ST6GAL1: variants seen among roughly 807,000 people sequenced by gnomAD.
The protein encoded by ST6GAL1 is ST6 beta-galactoside alpha-2,6-sialyltransferase 1, also known as beta-galactoside alpha-2,6-sialyltransferase 1.
Under a neutral mutation model 38.0 loss-of-function variants are expected in ST6GAL1, and 20 were observed. The observed-to-expected ratio is 0.53, with a 90% CI of 0.37 to 0.77. The LOEUF is 0.77. ST6GAL1 is among the 30% of genes least tolerant of loss of function. The probability of loss-of-function intolerance (pLI) is 0.00; values close to 1 mark genes in which losing one functional copy is unlikely to be tolerated. For missense variants in ST6GAL1, 432 were observed against 496.4 expected, an observed-to-expected ratio of 0.87 and a Z score of 1.23; for synonymous variants, 196 against 188.2, an observed-to-expected ratio of 1.04 and a Z score of -0.34.
At chr3:187,019,610 G>A (rs1004787993) in intron 2 of ST6GAL1, among the ~76,000 whole-genome samples, 1 of 152,228 alleles carries the variant, frequency 6.6e-6, no homozygotes, top group African/African-American at 2.4e-5. Context: ...GAAAGAGAAA[G>A]AAGGGTCAGC....
chr3:187,022,739 T>G (rs1227112606), intron 2 of ST6GAL1, among the ~76,000 whole-genome samples: 1 of 152,180 alleles, frequency 6.6e-6, no homozygotes, highest in African/African-American at 2.4e-5. Flanking sequence ...TTTCCAAATA[T>G]GTCAAAGAAA....
intron 2 of ST6GAL1, among the ~76,000 whole-genome samples, chr3:187,001,480 T>C (rs1184075595): frequency 2.0e-5 from 3 of 152,234 alleles, no homozygotes; most frequent in African/African-American, 7.2e-5. Flanking sequence ...AACCTGGGTT[T>C]GGATCTCACT....
intron 4 of ST6GAL1, among the ~76,000 whole-genome samples, chr3:187,048,109 AT>A (rs528383690): frequency 1.7e-4 from 26 of 151,768 alleles, no homozygotes; most frequent in Admixed American, 3.3e-4. Flanking sequence ...TACTCGGCTA[AT>A]TTTTTTGTAT....
At chr3:187,020,189 C>T (rs964806810) in intron 2 of ST6GAL1, among the ~76,000 whole-genome samples, 2 of 152,040 alleles carry the variant, frequency 1.3e-5, no homozygotes, top group Non-Finnish European at 1.5e-5. Context: ...CCCAGCTACT[C>T]GGGAGGCTGA....
chr3:187,017,621 G>A (rs965467623), intron 2 of ST6GAL1, among the ~76,000 whole-genome samples: 6 of 152,148 alleles, frequency 3.9e-5, no homozygotes, highest in Admixed American at 2.0e-4. Flanking sequence ...TAGCAATGAC[G>A]TCAGTTTGTT....
At chr3:186,958,284 A>T (rs1057364774) in intron 1 of ST6GAL1, among the ~76,000 whole-genome samples, 3 of 152,216 alleles carry the variant, frequency 2.0e-5, no homozygotes, top group Non-Finnish European at 2.9e-5. Flanking sequence ...TCTGGTTATA[A>T]TAATGTAACT....
In ST6GAL1 at chr3:186,955,669, A is replaced by C. The variant is rs568845325; in HGVS notation, c.-324-8116A>C. Among the ~76,000 whole-genome samples, 5 of 151,856 alleles carry C rather than the reference A, an allele frequency of 3.3e-5. No individual in the cohort carries two copies. In the South Asian group the frequency reaches 1.0e-3, roughly 32 times the overall value. ...AGGTGCGTGCCACCATGCCCAGCTA[A>C]TTTTTGTATTTTTAGTAGAGATGGG... On this transcript the variant is annotated intron_variant, in intron 1 of 7. Transcript: ENST00000169298.
intron 2 of ST6GAL1, among the ~76,000 whole-genome samples, chr3:187,018,927 C>T (rs529702062): frequency 4.2e-4 from 64 of 152,286 alleles, no homozygotes; most frequent in African/African-American, 1.5e-3. Context: ...CTCGAAAAGC[C>T]AGATGGGAGA....
At chr3:186,996,970 G>A (rs143351288) in intron 2 of ST6GAL1, among the ~76,000 whole-genome samples, 2 of 151,938 alleles carry the variant, frequency 1.3e-5, no homozygotes, top group African/African-American at 2.4e-5. Context: ...ACCTCACACA[G>A]CACACTTGGT....
chr3:186,977,469 C>T (rs887563057), intron 2 of ST6GAL1, among the ~76,000 whole-genome samples: 11 of 152,188 alleles, frequency 7.2e-5, no homozygotes, highest in African/African-American at 2.4e-4. Context: ...ATGCCCTTGC[C>T]GGGAACAGCT....
At chr3:187,066,250 A>G (rs538641153) in intron 5 of ST6GAL1, among the ~76,000 whole-genome samples, 5 of 152,298 alleles carry the variant, frequency 3.3e-5, no homozygotes, top group South Asian at 2.1e-4. Context: ...TTGGGCCAGC[A>G]GACACAGTCT....
At chr3:186,951,266 A>G (rs776281045) in intron 1 of ST6GAL1, among the ~76,000 whole-genome samples, 38 of 152,164 alleles carry the variant, frequency 2.5e-4, no homozygotes, top group Non-Finnish European at 5.4e-4. Context: ...CATGTTGGTC[A>G]GGCTGGTCTC....
intron 2 of ST6GAL1, among the ~76,000 whole-genome samples, chr3:187,022,437 C>A (rs956551297): frequency 6.6e-6 from 1 of 152,210 alleles, no homozygotes; most frequent in Non-Finnish European, 1.5e-5. Flanking sequence ...CTAACAGTAG[C>A]TGAGAGAGTC....
chr3:186,942,213 C>G (rs1714203681), intron 1 of ST6GAL1: 1 of 152,178 alleles, frequency 6.6e-6, no homozygotes, highest in East Asian at 1.9e-4. Flanking sequence ...TTCACCTGCT[C>G]TGAAAAGGTG....
At chr3:186,958,121 G>C (rs1408361055) in intron 1 of ST6GAL1, among the ~76,000 whole-genome samples, 1 of 151,852 alleles carries the variant, frequency 6.6e-6, no homozygotes, top group Admixed American at 6.6e-5. Flanking sequence ...AGTTTTGTTG[G>C]AATGTTGAGG....
chr3:186,954,541 A>G (rs1714684830), intron 1 of ST6GAL1, among the ~76,000 whole-genome samples: 1 of 152,138 alleles, frequency 6.6e-6, no homozygotes, highest in Non-Finnish European at 1.5e-5. Flanking sequence ...ATGAGATAGT[A>G]TCTTTTTGTG....
intron 1 of ST6GAL1, among the ~76,000 whole-genome samples, chr3:186,948,029 AGAGTGAGGGAGGGAGGAGGCAGG>A (rs2108519050): frequency 6.6e-6 from 1 of 152,310 alleles, no homozygotes; most frequent in Non-Finnish European, 1.5e-5. Flanking sequence ...AAGGCAGCAG[AGAGTGAGGGAGGGAGGAGGCAGG>A]GAGTGTGTCT....
intron 3 of ST6GAL1, among the ~76,000 whole-genome samples, chr3:187,041,083 C>G (rs1440125777): frequency 1.3e-5 from 2 of 151,720 alleles, no homozygotes; most frequent in Non-Finnish European, 2.9e-5. Context: ...TCTCCTGTCT[C>G]TGTTCAGAAT....
At chr3:187,019,473 A>G (rs1302439412) in intron 2 of ST6GAL1, among the ~76,000 whole-genome samples, 2 of 152,198 alleles carry the variant, frequency 1.3e-5, no homozygotes, top group East Asian at 1.9e-4. Flanking sequence ...AAATGATCCC[A>G]TCTATATGCT....
Sources: gnomAD v4.1 joint callset for allele counts (sites outside exome capture counted in the v4.1 genomes callset) on GRCh38, gnomAD v4.1.1 for gene constraint, MANE v1.5 for transcripts, NCBI Gene and HGNC (gene_info 2026-07-23, HGNC 2026-07-21) for gene names.